Variants in ARMH3 observed in about 807,000 individuals in gnomAD.
ARMH3 encodes armadillo like helical domain containing 3, also known as armadillo-like helical domain-containing protein 3.
ARMH3 carries 60 observed loss-of-function variants against 99.1 expected under a neutral mutation model. The ratio of observed to expected loss-of-function variants is 0.61; its 90% CI spans 0.49 to 0.75. The LOEUF (loss-of-function observed/expected upper bound fraction) is 0.75. Among genes scored for constraint, ARMH3 ranks in the 30% least tolerant of loss-of-function variants. The pLI is 0.00. For synonymous variants in ARMH3, 285 were observed against 292.8 expected, an observed-to-expected ratio of 0.97 and a Z score of 0.27; for missense variants, 679 against 843.1, an observed-to-expected ratio of 0.81 and a Z score of 2.41.
chr10:101,883,279 T>C (rs74321972), intron 24 of ARMH3, among the ~76,000 whole-genome samples: 8,863 of 152,074 alleles, frequency 0.058, 273 homozygotes, highest in African/African-American at 0.068. Context: ...TAGTGGGGCA[T>C]GGTAGCATGC....
chr10:101,889,152 A>G (rs565119729), intron 24 of ARMH3, among the ~76,000 whole-genome samples: 1 of 152,368 alleles, frequency 6.6e-6, no homozygotes, highest in South Asian at 2.1e-4. Flanking sequence ...ATGCCTTATC[A>G]CACTCTAAAA....
intron 5 of ARMH3, among the ~76,000 whole-genome samples, chr10:102,026,141 T>C (rs1478070215): frequency 6.6e-6 from 1 of 152,172 alleles, no homozygotes; most frequent in African/African-American, 2.4e-5. Context: ...AAATCCAAAC[T>C]AATCAAAAGA....
chr10:101,978,275 C>T (rs1024575741), intron 19 of ARMH3, among the ~76,000 whole-genome samples: 2 of 152,074 alleles, frequency 1.3e-5, no homozygotes, highest in South Asian at 2.1e-4. Context: ...GACATCTGTC[C>T]CCCAAAATTC....
chr10:101,871,937 T>C (rs1460292295), intron 24 of ARMH3, among the ~76,000 whole-genome samples: 4 of 151,794 alleles, frequency 2.6e-5, no homozygotes, highest in Non-Finnish European at 5.9e-5. Flanking sequence ...GAGGCAGAGG[T>C]TGCAGTGAGC....
intron 12 of ARMH3, 57 bp downstream of exon 12, chr10:102,009,920 C>T: frequency 1.3e-6 from 2 of 1,505,944 alleles, no homozygotes; most frequent in Non-Finnish European, 1.8e-6. Flanking sequence ...CTCTCATATC[C>T]AGCAGGACAG....
At chr10:101,968,223 C>T (rs191879703) in intron 20 of ARMH3, among the ~76,000 whole-genome samples, 21 of 152,218 alleles carry the variant, frequency 1.4e-4, no homozygotes, top group African/African-American at 4.8e-4. Context: ...TCTAACCAAG[C>T]ATGCTCAGGA....
chr10:102,041,444 T>C (rs939124330), intron 1 of ARMH3, among the ~76,000 whole-genome samples: 6 of 152,254 alleles, frequency 3.9e-5, no homozygotes, highest in South Asian at 2.1e-4. Flanking sequence ...GCAGAACTAA[T>C]TTTGATCAGT....
chr10:102,049,547 A>G (rs2067643275), intron 1 of ARMH3, among the ~76,000 whole-genome samples: 1 of 151,928 alleles, frequency 6.6e-6, no homozygotes, highest in South Asian at 2.1e-4. Context: ...GTTTCCAAAA[A>G]AAAAGAAAGA....
chr10:102,053,609 G>T (rs1306580464), intron 1 of ARMH3, among the ~76,000 whole-genome samples: 1 of 151,586 alleles, frequency 6.6e-6, no homozygotes, highest in Non-Finnish European at 1.5e-5. Flanking sequence ...CCCCTGCAAA[G>T]ATTTCCCTGA....
At chr10:101,860,762 C>G (rs1039904949) in intron 24 of ARMH3, among the ~76,000 whole-genome samples, 4 of 152,108 alleles carry the variant, frequency 2.6e-5, no homozygotes, top group Non-Finnish European at 5.9e-5. Context: ...TGTTGAATAC[C>G]TAGGGCATTC....
At chr10:102,024,269 T>A (rs2066950490) in intron 6 of ARMH3, among the ~76,000 whole-genome samples, 1 of 150,406 alleles carries the variant, frequency 6.6e-6, no homozygotes, top group Admixed American at 6.6e-5. Flanking sequence ...GCCAACATGG[T>A]GAAACCCCAT....
At chr10:101,984,930 G>T (rs768152766) in intron 19 of ARMH3, among the ~76,000 whole-genome samples, 1 of 151,854 alleles carries the variant, frequency 6.6e-6, no homozygotes, top group Non-Finnish European at 1.5e-5. Flanking sequence ...TTAGCCGGGC[G>T]TGGTGGTGCT....
At chr10:101,978,801 C>T (rs1186087263) in intron 19 of ARMH3, among the ~76,000 whole-genome samples, 5 of 151,956 alleles carry the variant, frequency 3.3e-5, no homozygotes, top group Admixed American at 2.0e-4. Context: ...ATTAGCTGGG[C>T]GTGGTGGCAG....
chr10:101,897,681 A>G (rs553452331), intron 23 of ARMH3, among the ~76,000 whole-genome samples: 13 of 152,220 alleles, frequency 8.5e-5, no homozygotes, highest in African/African-American at 2.9e-4. Context: ...ACTGAATTAG[A>G]AAGTCCCAAA....
chr10:101,924,688 TTAAAATAAAA>T (rs889274412), intron 23 of ARMH3, among the ~76,000 whole-genome samples: 3 of 151,894 alleles, frequency 2.0e-5, no homozygotes, highest in Admixed American at 1.3e-4. Flanking sequence ...GCAAGTAGCA[TTAAAATAAAA>T]TAAAATAAAA....
chr10:101,957,856 G>C (rs10128116), intron 20 of ARMH3, 124 bp from the exon 21 acceptor site: 1 of 1,338,976 alleles, frequency 7.5e-7, no homozygotes, highest in Non-Finnish European at 9.9e-7. Context: ...AGCCACCAAG[G>C]TCTTTTAAAA....
intron 20 of ARMH3, among the ~76,000 whole-genome samples, chr10:101,969,995 TAAATCTGCCTTTAAAAC>T (rs896193144): frequency 2.6e-5 from 4 of 152,202 alleles, no homozygotes; most frequent in Non-Finnish European, 5.9e-5. Flanking sequence ...AATGTCAGTA[TAAATCTGCCTTTAAAAC>T]AACCCATGTT....
chr10:101,945,823 C>T (rs1844493263), intron 22 of ARMH3, among the ~76,000 whole-genome samples: 1 of 150,940 alleles, frequency 6.6e-6, no homozygotes, highest in South Asian at 2.1e-4. Context: ...TGGCTCATGT[C>T]TGTAATCCCA....
intron 4 of ARMH3, 84 bp from the exon 5 acceptor site, chr10:102,029,829 C>A: frequency 7.9e-7 from 1 of 1,265,174 alleles, no homozygotes; most frequent in South Asian, 1.4e-5. Flanking sequence ...CCTTACACAG[C>A]TGACACTGAA....
Sources: gnomAD v4.1 joint callset for allele counts (sites outside exome capture counted in the v4.1 genomes callset) on GRCh38, gnomAD v4.1.1 for gene constraint, MANE v1.5 for transcripts, NCBI Gene and HGNC (gene_info 2026-07-23, HGNC 2026-07-21) for gene names.